ZNF676: variants seen among roughly 807,000 people sequenced by gnomAD.
ZNF676 encodes the protein zinc finger protein 676.
Under a neutral mutation model 6.0 loss-of-function variants are expected in ZNF676, and 4 were observed. The ratio of observed to expected loss-of-function variants is 0.67; its 90% CI spans 0.33 to 1.53. The LOEUF is 1.53. Ranked by LOEUF, ZNF676 falls within the 40% of genes most tolerant of loss-of-function variation. The pLI, the probability that ZNF676 is intolerant of heterozygous loss-of-function variation, is 0.06. For synonymous variants in ZNF676, 198 were observed against 223.1 expected, an observed-to-expected ratio of 0.89 and a Z score of 1.00; for missense variants, 644 against 679.7, an observed-to-expected ratio of 0.95 and a Z score of 0.58.
chr19:22,227,169 C>T, the ZNF676 span, among the ~76,000 whole-genome samples: 4 of 152,150 alleles, frequency 2.6e-5, no homozygotes, highest in African/African-American at 4.8e-5. Context: ...GTCTCTCATA[C>T]CACAGTGCAA....
chr19:22,211,883 T>C (rs547883022), intron 1 of ZNF676, among the ~76,000 whole-genome samples: 1 of 152,192 alleles, frequency 6.6e-6, no homozygotes, highest in South Asian at 2.1e-4. Context: ...GATGGAATTG[T>C]TTGAAATCAC....
chr19:22,241,560 G>C, the ZNF676 span, among the ~76,000 whole-genome samples: 1 of 151,822 alleles, frequency 6.6e-6, no homozygotes, highest in African/African-American at 2.4e-5. Context: ...TTTACTATTG[G>C]CTACCTGTGC....
the ZNF676 span, among the ~76,000 whole-genome samples, chr19:22,237,784 C>T: frequency 6.6e-6 from 1 of 152,134 alleles, no homozygotes; most frequent in South Asian, 2.1e-4. Context: ...ACTCAGAGCC[C>T]CTAGCTTCAT....
chr19:22,246,831 G>A, the ZNF676 span, among the ~76,000 whole-genome samples: 1 of 152,168 alleles, frequency 6.6e-6, no homozygotes, highest in Admixed American at 6.5e-5. Flanking sequence ...CTAGGTGCTG[G>A]GCTTCCAGAA....
chr19:22,201,025 G>C (rs115833581), upstream of ZNF676, among the ~76,000 whole-genome samples: 27 of 152,162 alleles, frequency 1.8e-4, no homozygotes, highest in South Asian at 8.3e-4. Flanking sequence ...TGGGCTGATG[G>C]TCCAATGATA....
At chr19:22,251,787 A>AAG in the ZNF676 span, among the ~76,000 whole-genome samples, 1 of 77,668 alleles carries the variant, frequency 1.3e-5, no homozygotes, top group Non-Finnish European at 3.1e-5. Flanking sequence ...ACTCCATCTC[A>AAG]AAAAAAAAAA....
chr19:22,200,996 A>G (rs575793582), upstream of ZNF676, among the ~76,000 whole-genome samples: 4 of 152,194 alleles, frequency 2.6e-5, no homozygotes, highest in East Asian at 7.8e-4. Context: ...GGTGATTGTG[A>G]GAGGGTTCCC....
At chr19:22,242,679 G>A in the ZNF676 span, among the ~76,000 whole-genome samples, 1 of 151,978 alleles carries the variant, frequency 6.6e-6, no homozygotes, top group East Asian at 1.9e-4. Flanking sequence ...TTTGGGTCTA[G>A]CTATGTGTCA....
At chr19:22,215,059 A>C (rs371940799) in intron 1 of ZNF676, among the ~76,000 whole-genome samples, 57 of 98,528 alleles carry the variant, frequency 5.8e-4, no homozygotes, top group African/African-American at 2.5e-3. Context: ...AAAAAAAAAA[A>C]ACAACAAAAA....
the ZNF676 span, among the ~76,000 whole-genome samples, chr19:22,221,695 G>A: frequency 2.5e-4 from 38 of 151,322 alleles, no homozygotes; most frequent in African/African-American, 9.3e-4. Context: ...AGGTTGCTGT[G>A]AGCTGAGATT....
chr19:22,190,507 T>G (rs2023887339), intron 2 of ZNF676, among the ~76,000 whole-genome samples: 1 of 150,812 alleles, frequency 6.6e-6, no homozygotes. Flanking sequence ...AAAATAATAA[T>G]AATAATAAAG....
the ZNF676 span, chr19:22,245,047 CT>C: frequency 6.6e-6 from 1 of 152,128 alleles, no homozygotes; most frequent in East Asian, 1.9e-4. Flanking sequence ...AGAGTCAGAT[CT>C]CTTAGGTGTG....
upstream of ZNF676, among the ~76,000 whole-genome samples, chr19:22,197,753 G>A (rs766097821): frequency 6.6e-6 from 1 of 152,064 alleles, no homozygotes; most frequent in African/African-American, 2.4e-5. Flanking sequence ...AGAGGAAAAT[G>A]ATTAATTCCA....
chr19:22,233,435 C>T, the ZNF676 span, among the ~76,000 whole-genome samples: 1 of 152,080 alleles, frequency 6.6e-6, no homozygotes, highest in Non-Finnish European at 1.5e-5. Context: ...AAAAAGCTAC[C>T]TGTCACAATC....
At chr19:22,217,693 T>C (rs1318939974), upstream of ZNF676, among the ~76,000 whole-genome samples, 1 of 20,792 alleles carries the variant, frequency 4.8e-5, no homozygotes, top group Non-Finnish European at 7.7e-5. Flanking sequence ...TGGTCTTTTC[T>C]GTTTGTTTGT....
At chr19:22,215,072 C>T (rs1416133881) in intron 1 of ZNF676, among the ~76,000 whole-genome samples, 3 of 130,068 alleles carry the variant, frequency 2.3e-5, no homozygotes, top group Non-Finnish European at 3.4e-5. Context: ...AACAAAAAAC[C>T]AGGAAACTAC....
At chr19:22,235,070 A>G in the ZNF676 span, among the ~76,000 whole-genome samples, 1 of 146,814 alleles carries the variant, frequency 6.8e-6, no homozygotes, top group East Asian at 2.0e-4. Context: ...AGGAAGAAGG[A>G]AGTCAGGAAG....
chr19:22,211,845 A>AG (rs913642511), intron 1 of ZNF676, among the ~76,000 whole-genome samples: 27 of 152,074 alleles, frequency 1.8e-4, no homozygotes, highest in African/African-American at 6.5e-4. Context: ...AAATGTTCTT[A>AG]TTTTTTTCCC....
At chr19:22,242,566 AG>A in the ZNF676 span, among the ~76,000 whole-genome samples, 5 of 152,114 alleles carry the variant, frequency 3.3e-5, no homozygotes, top group Admixed American at 2.0e-4. Context: ...GCAAGGCCCA[AG>A]CAGGAGAAAA....
Sources: gnomAD v4.1 joint callset for allele counts (sites outside exome capture counted in the v4.1 genomes callset) on GRCh38, gnomAD v4.1.1 for gene constraint, MANE v1.5 for transcripts, NCBI Gene and HGNC (gene_info 2026-07-23, HGNC 2026-07-21) for gene names.